Variants in CRPPA observed in about 807,000 individuals in gnomAD.
CRPPA encodes the protein D-ribitol-5-phosphate cytidylyltransferase.
CRPPA carries 43 observed loss-of-function variants against 52.0 expected under a neutral mutation model. The ratio of observed to expected loss-of-function variants is 0.83; its 90% CI spans 0.65 to 1.07. CRPPA has a LOEUF of 1.07. Among genes scored for constraint, CRPPA ranks in the 50% least tolerant of loss-of-function variants. The probability of loss-of-function intolerance (pLI) is 0.00; values close to 1 mark genes in which losing one functional copy is unlikely to be tolerated. For synonymous variants in CRPPA, 250 were observed against 203.5 expected, an observed-to-expected ratio of 1.23 and a Z score of -1.94; for missense variants, 629 against 551.7, an observed-to-expected ratio of 1.14 and a Z score of -1.40.
At chr7:16,400,832 AAGTTATACC>A (rs1346667924) in intron 2 of CRPPA, among the ~76,000 whole-genome samples, 4 of 152,354 alleles carry the variant, frequency 2.6e-5, no homozygotes, top group Non-Finnish European at 5.9e-5. Flanking sequence ...ACATTTATAA[AAGTTATACC>A]TTTGTAATTA....
At chr7:16,176,926 A>C (rs969060409) in intron 9 of CRPPA, among the ~76,000 whole-genome samples, 9 of 152,310 alleles carry the variant, frequency 5.9e-5, no homozygotes, top group Non-Finnish European at 8.8e-5. Flanking sequence ...CTATGGGTTG[A>C]GTAAATCATT....
chr7:16,186,305 C>T (rs1341687419), intron 9 of CRPPA, among the ~76,000 whole-genome samples: 2 of 152,104 alleles, frequency 1.3e-5, no homozygotes, highest in Non-Finnish European at 2.9e-5. Flanking sequence ...AGGGTAGAGT[C>T]CTCATGACCT....
chr7:16,246,576 T>G (rs188212311), intron 8 of CRPPA, among the ~76,000 whole-genome samples: 1 of 152,210 alleles, frequency 6.6e-6, no homozygotes, highest in East Asian at 1.9e-4. Flanking sequence ...AAATAAGACA[T>G]GAAAATCTAA....
At chr7:16,380,068 A>C (rs534345598) in intron 2 of CRPPA, among the ~76,000 whole-genome samples, 155 of 150,996 alleles carry the variant, frequency 1.0e-3, no homozygotes, top group African/African-American at 3.4e-3. Context: ...GTCTTGTGCC[A>C]GTTTTCAAAG....
chr7:16,362,576 T>A (rs183214856), intron 3 of CRPPA, among the ~76,000 whole-genome samples: 10 of 152,302 alleles, frequency 6.6e-5, no homozygotes, highest in African/African-American at 2.4e-4. Context: ...AAATTATCCA[T>A]GCTTTGAAAA....
intron 9 of CRPPA, among the ~76,000 whole-genome samples, chr7:16,141,381 T>C (rs188938337): frequency 7.9e-5 from 12 of 152,338 alleles, no homozygotes; most frequent in Admixed American, 4.6e-4. Flanking sequence ...GAACCATTTT[T>C]TCCATCTATT....
chr7:16,420,924 G>C, intron 1 of CRPPA, 142 bp downstream of exon 1: 1 of 692,166 alleles, frequency 1.4e-6, no homozygotes, highest in Non-Finnish European at 2.1e-6. Context: ...TGAAATGCGG[G>C]AGGGAACAGA....
intron 5 of CRPPA, among the ~76,000 whole-genome samples, chr7:16,289,121 C>G (rs1583494935): frequency 6.6e-6 from 1 of 151,888 alleles, no homozygotes; most frequent in Non-Finnish European, 1.5e-5. Flanking sequence ...TTGTTAAATT[C>G]CAGGACACAT....
intron 9 of CRPPA, among the ~76,000 whole-genome samples, chr7:16,177,089 T>C (rs1376883363): frequency 6.6e-6 from 1 of 152,062 alleles, no homozygotes; most frequent in Non-Finnish European, 1.5e-5. Flanking sequence ...TATATGACAT[T>C]GTTGAAAAGC....
intron 9 of CRPPA, among the ~76,000 whole-genome samples, chr7:16,155,111 C>A (rs150764809): frequency 2.0e-5 from 3 of 152,080 alleles, no homozygotes; most frequent in African/African-American, 7.2e-5. Flanking sequence ...TTAGCCGCCA[C>A]CCCAGGCCTC....
At chr7:16,367,858 G>C (rs1005972965) in intron 3 of CRPPA, among the ~76,000 whole-genome samples, 17 of 152,178 alleles carry the variant, frequency 1.1e-4, no homozygotes, top group African/African-American at 3.4e-4. Flanking sequence ...TCCATTATAA[G>C]ATTAACACTT....
At chr7:16,264,944 G>C (rs1212466109) in intron 6 of CRPPA, among the ~76,000 whole-genome samples, 2 of 152,258 alleles carry the variant, frequency 1.3e-5, no homozygotes, top group East Asian at 3.9e-4. Flanking sequence ...AGTTACGTAA[G>C]TCCTGTGGCT....
At chr7:16,189,911 T>C (rs1209093105) in intron 9 of CRPPA, among the ~76,000 whole-genome samples, 7 of 152,184 alleles carry the variant, frequency 4.6e-5, no homozygotes, top group Admixed American at 1.3e-4. Context: ...ACTGAATATG[T>C]TGATACCCAT....
intron 8 of CRPPA, among the ~76,000 whole-genome samples, chr7:16,227,307 T>G (rs1220447050): frequency 6.6e-6 from 1 of 151,890 alleles, no homozygotes; most frequent in East Asian, 1.9e-4. Context: ...GTTAGGAATC[T>G]CCATACTGCT....
chr7:16,377,778 C>T (rs1473286525), intron 2 of CRPPA, among the ~76,000 whole-genome samples: 1 of 152,112 alleles, frequency 6.6e-6, no homozygotes, highest in African/African-American at 2.4e-5. Flanking sequence ...ACCCCAAGTT[C>T]CCAGTATGAA....
At chr7:16,407,905 G>A (rs958517254) in intron 1 of CRPPA, among the ~76,000 whole-genome samples, 5 of 152,078 alleles carry the variant, frequency 3.3e-5, no homozygotes, top group East Asian at 1.9e-4. Context: ...TCAGGAGTTC[G>A]AGACCAGCCT....
chr7:16,283,235 G>A (rs1252953349), intron 5 of CRPPA, among the ~76,000 whole-genome samples: 2 of 149,618 alleles, frequency 1.3e-5, no homozygotes, highest in East Asian at 2.0e-4. Flanking sequence ...TAAATAGATA[G>A]GATCTACTGA....
At chr7:16,284,212 G>T (rs12540311) in intron 5 of CRPPA, among the ~76,000 whole-genome samples, 31,792 of 151,908 alleles carry the variant, frequency 0.21, 3,795 homozygotes, top group Non-Finnish European at 0.27. Context: ...AATTGAATAA[G>T]AAGTGACCTC....
intron 8 of CRPPA, among the ~76,000 whole-genome samples, chr7:16,239,559 CAAAAAAAA>C (rs751232682): frequency 2.1e-5 from 1 of 47,616 alleles, no homozygotes; most frequent in Admixed American, 2.7e-4. Flanking sequence ...AAGTCAATAG[CAAAAAAAA>C]AAAAAAAAAA....
Sources: gnomAD v4.1 joint callset for allele counts (sites outside exome capture counted in the v4.1 genomes callset) on GRCh38, gnomAD v4.1.1 for gene constraint, MANE v1.5 for transcripts, NCBI Gene and HGNC (gene_info 2026-07-23, HGNC 2026-07-21) for gene names.